The following ZFTA variants were observed in gnomAD, a reference collection of about 807,000 sequenced individuals.
ZFTA encodes zinc finger translocation-associated protein.
In ZFTA, 35 loss-of-function variants were observed where a neutral mutation model predicts 41.8. The observed-to-expected ratio is 0.84, with a 90% CI of 0.64 to 1.11. The LOEUF (loss-of-function observed/expected upper bound fraction) is 1.11. Among genes scored for constraint, ZFTA ranks in the 50% most tolerant of loss-of-function variants. The pLI is 0.00. For missense variants in ZFTA, 964 were observed against 989.8 expected, an observed-to-expected ratio of 0.97 and a Z score of 0.35; for synonymous variants, 514 against 436.4, an observed-to-expected ratio of 1.18 and a Z score of -2.22.
chr11:63,767,729 C>A (rs537354333), intron 1 of ZFTA, among the ~76,000 whole-genome samples: 2 of 152,258 alleles, frequency 1.3e-5, no homozygotes, highest in African/African-American at 2.4e-5. Flanking sequence ...CGTGACCCTG[C>A]AGCCGGGAAA....
intron 1 of ZFTA, among the ~76,000 whole-genome samples, chr11:63,768,147 G>A (rs957684075): frequency 2.2e-4 from 34 of 152,094 alleles, no homozygotes; most frequent in African/African-American, 8.2e-4. Context: ...CTGGGAGTCT[G>A]AAAGAGAAAG....
Position 63,764,518 on chromosome 11 carries a change from G to C in ZFTA, c.1105C>G (p.Leu369Val), listed in dbSNP as rs942915887. The C allele has an allele frequency of 6.4e-6, 8 of 1,257,306 alleles. No homozygotes were observed. The African/African-American group carries it at 1.2e-4, about 19-fold the overall frequency. The allele number at this position is 1,257,306 out of a possible 1,614,324, so 77.9% of individuals were successfully genotyped here. A position where few individuals can be genotyped will look rare whatever the true frequency, so the allele number is the denominator to read the frequency against. The change falls in exon 4 of 5, where the codon CTC becomes GTC. Residue 369 changes from leucine (L) to valine (V), a missense_variant. Around this residue, in one of 5 missense-constraint regions of ZFTA, gnomAD observed 584 missense variants for 523.1 expected, o/e 1.12. Transcript: ENST00000433688. ...SAAGAPSSQD[L>V]SPPDVKEEAG... Reference sequence around the variant, plus strand: ...TCTTCCTTTACGTCTGGGGGGCTGAGATCCTGAGAGGAGGGGGCTCCAGCA... The same window carrying C: ...TCTTCCTTTACGTCTGGGGGGCTGACATCCTGAGAGGAGGGGGCTCCAGCA...
chr11:63,763,999 C>G, intron 4 of ZFTA, 39 bp downstream of exon 4: 1 of 1,300,504 alleles, frequency 7.7e-7, no homozygotes, highest in Non-Finnish European at 9.9e-7. Flanking sequence ...AGCAACTGCC[C>G]GGCTCTCCCT....
At position 63,763,769 on chromosome 11, in the gene ZFTA, C is replaced by T; in HGVS notation, c.1686G>A (p.Pro562=). The change falls in exon 5 of 5, where the codon CCG becomes CCA. Residue 562 remains proline, a synonymous_variant. Transcript: ENST00000433688. ...GGGGCGGAGGCGGGGGAGGAGGCGG[C>T]GGCGGCAAGGCGAGTCCCCCAGGCT... ...GQEPGGLALP[P]PPPPPPPPPP... 1.4e-6 allele frequency: 2 copies of T among 1,460,642 alleles called. No homozygotes were observed. The highest frequency in any genetic ancestry group is 1.8e-6 in the Non-Finnish European group (2 of 1,108,168). The allele number at this position is 1,460,642 out of a possible 1,614,324, so 90.5% of individuals were successfully genotyped here.
At chr11:63,767,103 C>T (rs948372888) in intron 1 of ZFTA, among the ~76,000 whole-genome samples, 4 of 152,208 alleles carry the variant, frequency 2.6e-5, no homozygotes, top group African/African-American at 7.2e-5. Flanking sequence ...GGGAGCCGGC[C>T]ACTGCCCAGC....
At position 63,764,112 on chromosome 11, in the gene ZFTA, G is replaced by A; in HGVS notation, c.1511C>T (p.Pro504Leu). Residue 504 changes from proline to leucine, a missense_variant, in exon 4 of 5, where the codon CCC becomes CTC. Around this residue, in one of 5 missense-constraint regions of ZFTA, gnomAD observed 584 missense variants for 523.1 expected, o/e 1.12. Transcript: ENST00000433688. ...RPESPQGPIP[P>L]GTAAASDEGG... ...CTCGTCGGAGGCTGCGGCAGTGCCG[G>A]GGGGGATGGGGCCCTGGGGGGACTC... is the stretch of plus-strand genomic sequence containing the variant. 4 of 1,345,788 alleles carry A rather than the reference G, an allele frequency of 3.0e-6. No homozygotes were observed. The highest frequency in any genetic ancestry group is 6.1e-5 in the East Asian group (2 of 32,572). 83.4% of individuals were successfully genotyped at this position (1,345,788 alleles called of 1,614,324 possible).
rs2014612988 is a variant in ZFTA at position 63,760,758 on chromosome 11, C to T, written c.*2660G>A. 6.6e-6 allele frequency: 1 copy of T among 152,216 alleles called. No homozygotes were observed. Among genetic ancestry groups the T allele is most frequent in the Admixed American group, 6.5e-5 (1 of 15,284 alleles). The allele number at this position is 152,216 out of a possible 1,614,324, so 9.4% of individuals were successfully genotyped here. A position where few individuals can be genotyped will look rare whatever the true frequency, so the allele number is the denominator to read the frequency against. On this transcript the variant is annotated 3_prime_UTR_variant, in exon 5 of 5. Coordinates refer to ENST00000433688, the MANE Select transcript of ZFTA (RefSeq NM_001144936.2). ...CCCGGCACTTCAGCTGCATCAAGAT[C>T]AATGGAGGGCTCATGAAAACACTGC...
rs1491151770 is a variant in ZFTA at position 63,760,141 on chromosome 11, A to AG, written c.*3276dup. 7 of 152,218 alleles carry AG rather than the reference A, an allele frequency of 4.6e-5. No homozygotes were observed. Among genetic ancestry groups the AG allele is most frequent in the African/African-American group, 1.7e-4 (7 of 41,460 alleles). 9.4% of individuals were successfully genotyped at this position (152,218 alleles called of 1,614,324 possible). Reference sequence around the variant, plus strand: ...GACCTTAGAAGAATGAGGAGGGGTCAGGGGGTCTTTTACCCCAGTTCAGCC... The same window carrying AG: ...GACCTTAGAAGAATGAGGAGGGGTCAGGGGGGTCTTTTACCCCAGTTCAGCC... On this transcript the variant is annotated 3_prime_UTR_variant, in exon 5 of 5. Coordinates refer to ENST00000433688, the MANE Select transcript of ZFTA (RefSeq NM_001144936.2).
At position 63,760,740 on chromosome 11, in the gene ZFTA, C is replaced by G. The variant is rs1038920958; in HGVS notation, c.*2678G>C. ...CCTTCCCTTTCACTGGTGCCCGGCA[C>G]TTCAGCTGCATCAAGATCAATGGAG... On this transcript the variant is annotated 3_prime_UTR_variant, in exon 5 of 5. Transcript: ENST00000433688. 1.3e-5 allele frequency: 2 copies of G among 152,276 alleles called. No individual in the cohort carries two copies. The highest frequency in any genetic ancestry group is 1.3e-4 in the Admixed American group (2 of 15,290). The allele number at this position is 152,276 out of a possible 1,614,324, so 9.4% of individuals were successfully genotyped here. A position where few individuals can be genotyped will look rare whatever the true frequency, so the allele number is the denominator to read the frequency against.
At position 63,766,340 on chromosome 11, in the gene ZFTA, C is replaced by CTGAT. The variant is rs778497233; in HGVS notation, c.140-40_140-37dup. 8 of 1,406,454 alleles carry CTGAT rather than the reference C, an allele frequency of 5.7e-6. No homozygotes were observed. The South Asian group carries it at 1.3e-4, about 22-fold the overall frequency. The allele number at this position is 1,406,454 out of a possible 1,614,324, so 87.1% of individuals were successfully genotyped here. ...GGAAAGGGAGACAGTTTTTCAATCT[C>CTGAT]TGATTTCCAGGGAAAGAGGCGAGGG... On this transcript the variant is annotated intron_variant, in intron 1 of 4. Transcript: ENST00000433688.
At position 63,761,238 on chromosome 11, in the gene ZFTA, T is replaced by C. The variant is rs2014628521; in HGVS notation, c.*2180A>G. On this transcript the variant is annotated 3_prime_UTR_variant, in exon 5 of 5. Transcript: ENST00000433688. ...CACTGGGAATTTACTTTTCAGTCAA[T>C]TGACAACCCATTCAGGATCTTCCTG... is the stretch of plus-strand genomic sequence containing the variant. The C allele has an allele frequency of 6.6e-6, 1 of 152,324 alleles. No individual in the cohort carries two copies. The highest frequency in any genetic ancestry group is 1.9e-4 in the East Asian group (1 of 5,180). 9.4% of individuals were successfully genotyped at this position (152,324 alleles called of 1,614,324 possible).
Position 63,763,503 on chromosome 11 carries a change from T to C in ZFTA, c.1952A>G (p.Tyr651Cys), listed in dbSNP as rs1456668077. The change falls in exon 5 of 5, where the codon TAC becomes TGC. Residue 651 changes from tyrosine (Y) to cysteine (C), a missense_variant. Around this residue, in one of 5 missense-constraint regions of ZFTA, gnomAD observed 65 missense variants for 58.9 expected, o/e 1.10. Transcript: ENST00000433688. The stretch of plus-strand genomic sequence containing the variant: ...GGGCGGCCCGAAGCCCTCGTGGCCG[T>C]AGCAGCGCAGCGCCGCCTCCTCGTA... ...EAYEEAALRC[Y>C]GHEGFGPPAP... 3 of 1,538,238 alleles carry C rather than the reference T, an allele frequency of 2.0e-6. No homozygotes were observed. The highest frequency in any genetic ancestry group is 2.5e-5 in the East Asian group (1 of 39,942).
intron 1 of ZFTA, among the ~76,000 whole-genome samples, chr11:63,766,725 G>A (rs2014752564): frequency 6.6e-6 from 1 of 152,170 alleles, no homozygotes. Context: ...TACAGCCAGG[G>A]CTGCACACGG....
rs1554965684 is a variant in ZFTA, at chr11:63,768,637, A to AGCGGGGCCCCGGGGCGGCGGG, written c.-36_-16dup. On this transcript the variant is annotated 5_prime_UTR_variant, in exon 1 of 5. Transcript: ENST00000433688. ...CCGGGCTCCATGCGCTGCGCTGCGG[A>AGCGGGGCCCCGGGGCGGCGGG]GCGGGGCCCCGGGGCGGCGGGGCGC... 1.7e-5 allele frequency: 17 copies of AGCGGGGCCCCGGGGCGGCGGG among 979,800 alleles called. No homozygotes were observed. Among genetic ancestry groups the AGCGGGGCCCCGGGGCGGCGGG allele is most frequent in the Non-Finnish European group, 2.0e-5 (17 of 829,706 alleles). The allele number at this position is 979,800 out of a possible 1,614,324, so 60.7% of individuals were successfully genotyped here. A position where few individuals can be genotyped will look rare whatever the true frequency, so the allele number is the denominator to read the frequency against.
Position 63,764,422 on chromosome 11 carries a change from T to C in ZFTA, c.1201A>G (p.Arg401Gly). The C allele has an allele frequency of 7.9e-7, 1 of 1,268,682 alleles. No individual in the cohort carries two copies. Among genetic ancestry groups the C allele is most frequent in the Non-Finnish European group, 9.9e-7 (1 of 1,008,840 alleles). 78.6% of individuals were successfully genotyped at this position (1,268,682 alleles called of 1,614,324 possible). ...GGCGACCGGCCCGGGACCCCCGCCC[T>C]CTCGCCCTCGCCCTCCTCCAGCTCC... is the stretch of plus-strand genomic sequence containing the variant. ...EEELEEGEGE[R>G]AGVPGRSPRG... The change falls in exon 4 of 5, where the codon AGG (arginine) becomes GGG (glycine). Residue 401 changes from arginine to glycine, a missense_variant. Transcript: ENST00000433688.
rs1375429314 is a variant in ZFTA, at chr11:63,768,406, C to A, written c.139+78G>T. The A allele has an allele frequency of 4.4e-6, 4 of 901,056 alleles. No individual in the cohort carries two copies. In the East Asian group the frequency reaches 3.2e-4, roughly 72 times the overall value. The allele number at this position is 901,056 out of a possible 1,614,324, so 55.8% of individuals were successfully genotyped here. Reference sequence around the variant, plus strand: ...CCGCGTCCCCCGCTTTGTTCGGCGGCGGAGAGGGGCCCCGAGCCGCAGCCC... The same window carrying A: ...CCGCGTCCCCCGCTTTGTTCGGCGGAGGAGAGGGGCCCCGAGCCGCAGCCC... On this transcript the variant is annotated intron_variant, in intron 1 of 4. Coordinates refer to ENST00000433688, the MANE Select transcript of ZFTA (RefSeq NM_001144936.2).
At chr11:63,768,353 C>A in intron 1 of ZFTA, 131 bp downstream of exon 1, 1 of 440,062 alleles carries the variant, frequency 2.3e-6, no homozygotes, top group South Asian at 9.5e-5. Context: ...GCTCCGCGCC[C>A]ACCAGGTGGC....
intron 4 of ZFTA, 60 bp from the exon 5 acceptor site, chr11:63,763,929 T>C (rs1011538756): frequency 8.9e-5 from 123 of 1,381,722 alleles, no homozygotes; most frequent in Middle Eastern, 5.1e-4. Flanking sequence ...GGGCCCCGCG[T>C]CTCATCTCCA....
chr11:63,765,696 G>A lies in ZFTA; in HGVS notation c.637+111C>T. The stretch of plus-strand genomic sequence containing the variant: ...GGGCAATAAACAGACCCCACCCAGA[G>A]GAGGAGCAGTGCCTTGCTCAAGAAC... On this transcript the variant is annotated intron_variant, in intron 2 of 4. Coordinates refer to ENST00000433688, the MANE Select transcript of ZFTA (RefSeq NM_001144936.2). This position sits in a 1 kb window ranked among gnomAD's most constrained non-coding sequence, Gnocchi z 4.0. 7.3e-7 allele frequency: 1 copy of A among 1,369,240 alleles called. No homozygotes were observed. Among genetic ancestry groups the A allele is most frequent in the African/African-American group, 1.5e-5 (1 of 68,368 alleles). The allele number at this position is 1,369,240 out of a possible 1,614,324, so 84.8% of individuals were successfully genotyped here.
Sources: gnomAD v4.1 joint callset for allele counts (sites outside exome capture counted in the v4.1 genomes callset) on GRCh38, gnomAD v4.1.1 for gene constraint, gnomAD v4.1.1 regional missense constraint, Gnocchi (gnomAD v3.1) non-coding constraint, MANE v1.5 for transcripts, NCBI Gene and HGNC (gene_info 2026-07-23, HGNC 2026-07-21) for gene names.